SAR1A: variants seen among roughly 807,000 people sequenced by gnomAD.
SAR1A encodes small COPII coat GTPase SAR1A.
In SAR1A, 6 loss-of-function variants were observed where a neutral mutation model predicts 22.6. The observed-to-expected ratio is 0.27, with a 90% CI of 0.15 to 0.52. The LOEUF is 0.52. Ranked by LOEUF, SAR1A falls within the 20% of genes least tolerant of loss-of-function variation. The probability of loss-of-function intolerance (pLI) is 0.96; values close to 1 mark genes in which losing one functional copy is unlikely to be tolerated. For synonymous variants in SAR1A, 70 were observed against 82.2 expected (o/e 0.85, Z 0.80); for missense variants, 145 against 245.1 (o/e 0.59, Z 2.73).
Position 70,151,154 on chromosome 10 carries a change from T to A in SAR1A, c.*1322A>T, listed in dbSNP as rs997813888. 1.3e-5 allele frequency: 2 copies of A among 150,760 alleles called. No individual in the cohort carries two copies. The highest frequency in any genetic ancestry group is 4.9e-5 in the African/African-American group (2 of 40,880). 9.3% of individuals were successfully genotyped at this position (150,760 alleles called of 1,614,324 possible). On this transcript the variant is annotated 3_prime_UTR_variant, in exon 7 of 7. Coordinates refer to ENST00000373241, the MANE Select transcript of SAR1A (RefSeq NM_020150.5). ...TGCCGGTGCTTTTATACTGAGTCTT[T>A]ACTGCCAATAAGTGATGCTGCCTCC...
In SAR1A at chr10:70,158,303, A is replaced by G. The variant is rs1839420436; in HGVS notation, c.245-436T>C. Among the ~76,000 whole-genome samples, 3 of 152,198 alleles carry G rather than the reference A, an allele frequency of 2.0e-5. No individual in the cohort carries two copies. In the South Asian group the frequency reaches 6.2e-4, roughly 31 times the overall value. On this transcript the variant is annotated intron_variant, in intron 4 of 6. Coordinates refer to ENST00000373241, the MANE Select transcript of SAR1A (RefSeq NM_020150.5). ...GTCTAGTTTGCAACCTCTGAGTTAA[A>G]ACATCAGGATACAAATTACTTGTCC...
At chr10:70,168,490 G>C (rs965178593) in intron 1 of SAR1A, among the ~76,000 whole-genome samples, 4 of 152,128 alleles carry the variant, frequency 2.6e-5, no homozygotes, top group African/African-American at 9.7e-5. Context: ...TACTCGGGAG[G>C]TTGAGGCAGG....
At chr10:70,160,623 T>C (rs1374359191) in intron 4 of SAR1A, among the ~76,000 whole-genome samples, 1 of 152,204 alleles carries the variant, frequency 6.6e-6, no homozygotes, top group Non-Finnish European at 1.5e-5. Flanking sequence ...ATTACATTAA[T>C]AAGTAAAAAT....
Position 70,161,420 on chromosome 10 carries a change from T to C in SAR1A, c.178+199A>G, listed in dbSNP as rs1429233569. 9.6e-6 allele frequency: 6 copies of C among 623,902 alleles called. No individual in the cohort carries two copies. The East Asian group carries it at 1.7e-4, about 17-fold the overall frequency. 38.6% of individuals were successfully genotyped at this position (623,902 alleles called of 1,614,324 possible). On this transcript the variant is annotated intron_variant, in intron 3 of 6. Coordinates refer to ENST00000373241, the MANE Select transcript of SAR1A (RefSeq NM_020150.5). ...GAGAGGTGTCCCTTTACAGGACCAG[T>C]GACAACAGATAATGACAAAGTTCCA... is the stretch of plus-strand genomic sequence containing the variant.
At chr10:70,155,505 C>G (rs915367008) in intron 5 of SAR1A, among the ~76,000 whole-genome samples, 1 of 152,156 alleles carries the variant, frequency 6.6e-6, no homozygotes, top group Non-Finnish European at 1.5e-5. Context: ...CATTAAGCAA[C>G]AACAAAGTAC....
At chr10:70,162,237 G>C (rs1839478847) in intron 1 of SAR1A, among the ~76,000 whole-genome samples, 1 of 151,476 alleles carries the variant, frequency 6.6e-6, no homozygotes, top group Non-Finnish European at 1.5e-5. Flanking sequence ...CTACTCAGGA[G>C]GGTGAGACAG....
chr10:70,165,243 C>T (rs1473449420), intron 1 of SAR1A, among the ~76,000 whole-genome samples: 5 of 121,864 alleles, frequency 4.1e-5, no homozygotes, highest in Admixed American at 2.2e-4. Flanking sequence ...CCAGCCTGGG[C>T]GACAGAGCGA....
intron 4 of SAR1A, among the ~76,000 whole-genome samples, chr10:70,160,420 A>G (rs867029322): frequency 1.3e-5 from 2 of 152,336 alleles, no homozygotes; most frequent in African/African-American, 4.8e-5. Flanking sequence ...AAGGGGCATG[A>G]TATGCTCACA....
chr10:70,169,782 T>C (rs1839601843), intron 1 of SAR1A, among the ~76,000 whole-genome samples: 1 of 152,234 alleles, frequency 6.6e-6, no homozygotes, highest in Non-Finnish European at 1.5e-5. Flanking sequence ...AAGATGCTCC[T>C]GACCCACTGG....
At chr10:70,154,960 T>A (rs1839368955) in intron 5 of SAR1A, 2 of 396,940 alleles carry the variant, frequency 5.0e-6, no homozygotes, top group Non-Finnish European at 1.0e-5. Flanking sequence ...AAAGGAGAAG[T>A]AAGAACATAA....
rs747027384 is a variant in SAR1A at position 70,153,802 on chromosome 10, T to C, written c.480+36A>G. 15 of 1,527,914 alleles carry C rather than the reference T, an allele frequency of 9.8e-6. No individual in the cohort carries two copies. The Admixed American group carries it at 1.1e-4, about 12-fold the overall frequency. The allele number at this position is 1,527,914 out of a possible 1,614,324, so 94.6% of individuals were successfully genotyped here. A position where few individuals can be genotyped will look rare whatever the true frequency, so the allele number is the denominator to read the frequency against. Reference sequence around the variant, plus strand: ...AACATCATGTTTTAAAAACTGTTAATGTCCTTTATATGTAACCCAAATATT... The same window carrying C: ...AACATCATGTTTTAAAAACTGTTAACGTCCTTTATATGTAACCCAAATATT... On this transcript the variant is annotated intron_variant, in intron 6 of 6. Coordinates refer to ENST00000373241, the MANE Select transcript of SAR1A (RefSeq NM_020150.5).
At position 70,153,080 on chromosome 10, in the gene SAR1A, AG is replaced by A. The variant is rs138394481; in HGVS notation, c.481-489del. Among the ~76,000 whole-genome samples the A allele has an allele frequency of 7.1e-3, 1,078 of 152,380 alleles. 2 individuals are homozygous for A. Among genetic ancestry groups the A allele is most frequent in the Non-Finnish European group, 0.012 (822 of 68,038 alleles). On this transcript the variant is annotated intron_variant, in intron 6 of 6. Transcript: ENST00000373241. ...TGAAAGAAAGGAAGTATTTCTATAA[AG>A]AAACCGATAATCAAGAAGAGGTGAG...
At chr10:70,157,164 G>A (rs1839399722) in intron 5 of SAR1A, among the ~76,000 whole-genome samples, 1 of 152,098 alleles carries the variant, frequency 6.6e-6, no homozygotes, top group African/African-American at 2.4e-5. Flanking sequence ...CAGCACTTTG[G>A]GAGGCCAAGG....
intron 2 of SAR1A, 31 bp downstream of exon 2, chr10:70,161,827 T>G (rs1283442570): frequency 5.0e-6 from 8 of 1,613,442 alleles, no homozygotes. Context: ...GCACAAACTT[T>G]GAAACCTGTA....
intron 4 of SAR1A, among the ~76,000 whole-genome samples, chr10:70,158,716 G>A (rs1188771377): frequency 7.5e-6 from 1 of 133,586 alleles, no homozygotes; most frequent in Non-Finnish European, 1.5e-5. Context: ...TTGTTACATC[G>A]AACTTGCTCT....
At chr10:70,156,127 G>A (rs1054082971) in intron 5 of SAR1A, among the ~76,000 whole-genome samples, 5 of 152,100 alleles carry the variant, frequency 3.3e-5, no homozygotes, top group East Asian at 1.9e-4. Context: ...AGGAGTTGTC[G>A]AGAGTAGGCA....
At chr10:70,152,653 G>T in intron 6 of SAR1A, 61 bp from the exon 7 acceptor site, 1 of 1,104,248 alleles carries the variant, frequency 9.1e-7, no homozygotes, top group Admixed American at 1.7e-5. Flanking sequence ...AGATTGAAAG[G>T]ACGATCATTA....
rs73273591 is a variant in SAR1A, at chr10:70,157,892, A to G, written c.245-25T>C. 5.6e-3 allele frequency: 8,297 copies of G among 1,476,450 alleles called. 275 individuals carry two copies. In the African/African-American group the frequency reaches 0.062, roughly 11 times the overall value. 91.5% of individuals were successfully genotyped at this position (1,476,450 alleles called of 1,614,324 possible). On this transcript the variant is annotated intron_variant, in intron 4 of 6. Coordinates refer to ENST00000373241, the MANE Select transcript of SAR1A (RefSeq NM_020150.5). ...GCTAAAAAACAAAGTTTGTAGTTGC[A>G]TGAGTAAAAAATATACATTGTGAAA...
rs778469812 is a variant in SAR1A, at chr10:70,161,660, T to C, written c.137A>G (p.Lys46Arg). 4 of 1,612,418 alleles carry C rather than the reference T, an allele frequency of 2.5e-6. No individual in the cohort carries two copies. Among genetic ancestry groups the C allele is most frequent in the Non-Finnish European group, 2.5e-6 (3 of 1,180,012 alleles). ...AGKTTLLHMLKDDRLGQHVPT... is the reference protein window; with the variant it reads ...AGKTTLLHMLRDDRLGQHVPT... ...AACATGTTGGCCCAATCTGTCATCT[T>C]TGAGCATGTGAAGAAGAGTGGTTTT... Residue 46 changes from lysine (K) to arginine (R), a missense_variant, in exon 3 of 7, where the codon AAA (lysine) becomes AGA (arginine). Physicochemically the swap from Lys to Arg is conservative, Grantham distance 26. This residue lies in a region of SAR1A where 40 missense variants were observed against 105.7 expected (regional missense o/e 0.38). Transcript: ENST00000373241.
Sources: allele counts gnomAD v4.1 joint callset (sites outside exome capture counted in the v4.1 genomes callset), GRCh38; gene constraint gnomAD v4.1.1; regional missense constraint gnomAD v4.1.1; transcripts MANE v1.5; gene names NCBI Gene and HGNC (gene_info 2026-07-23, HGNC 2026-07-21).